SP6: variants seen among roughly 807,000 people sequenced by gnomAD.
SP6 encodes the protein transcription factor Sp6.
Under a neutral mutation model 23.4 loss-of-function variants are expected in SP6, and 10 were observed. The ratio of observed to expected loss-of-function variants is 0.43; its 90% CI spans 0.26 to 0.72. SP6 has a LOEUF of 0.72. SP6 is among the 30% of genes least tolerant of loss of function. The pLI is 0.23. For synonymous variants in SP6, 238 were observed against 238.7 expected, an observed-to-expected ratio of 1.00 and a Z score of 0.03; for missense variants, 482 against 523.8, an observed-to-expected ratio of 0.92 and a Z score of 0.78.
the SP6 span, among the ~76,000 whole-genome samples, chr17:47,875,995 CT>C: frequency 6.6e-6 from 1 of 152,172 alleles, no homozygotes; most frequent in Non-Finnish European, 1.5e-5. Flanking sequence ...GGAGCCTCCC[CT>C]GTCACAGTGA....
At chr17:47,864,001 CTT>C in the SP6 span, among the ~76,000 whole-genome samples, 8 of 101,570 alleles carry the variant, frequency 7.9e-5, no homozygotes, top group African/African-American at 2.3e-4. Flanking sequence ...CCGCGCCTGG[CTT>C]TTTTTTTTTT....
Position 47,848,763 on chromosome 17 carries a change from C to T in SP6, c.-57-277G>A, listed in dbSNP as rs1378447716. ...TTGGGCCACTCCCAGGATGGTAGGT[C>T]AGATACACCTACAGCACAGTGCTAG... On this transcript the variant is annotated intron_variant, in intron 1 of 1. Coordinates refer to ENST00000536300, the MANE Select transcript of SP6 (RefSeq NM_001258248.2). The surrounding 1 kb of genome is among the most constrained non-coding windows in gnomAD (Gnocchi z 5.3). Among the ~76,000 whole-genome samples the T allele has an allele frequency of 1.3e-5, 2 of 152,086 alleles. No individual in the cohort carries two copies. Among genetic ancestry groups the T allele is most frequent in the African/African-American group, 4.8e-5 (2 of 41,384 alleles).
chr17:47,847,529 G>A lies in SP6; in HGVS notation c.901C>T (p.Leu301=). 1 of 1,613,614 alleles carries A rather than the reference G, an allele frequency of 6.2e-7. No homozygotes were observed. Among genetic ancestry groups the A allele is most frequent in the Non-Finnish European group, 8.5e-7 (1 of 1,179,944 alleles). The change falls in exon 2 of 2, where the codon CTG becomes TTG. Residue 301 remains leucine (L), a synonymous_variant. Transcript: ENST00000536300. ...CGKRFTRSDE[L]QRHLQTHTGT... ...GTGTGGGTCTGGAGGTGGCGCTGCA[G>A]CTCGTCCGAGCGCGTGAAGCGCTTG...
chr17:47,874,045 T>G, the SP6 span, among the ~76,000 whole-genome samples: 1 of 149,118 alleles, frequency 6.7e-6, no homozygotes, highest in African/African-American at 2.5e-5. Context: ...CTCTTCCTCT[T>G]CTTCTTCTTC....
chr17:47,864,930 C>T, the SP6 span: 1 of 152,262 alleles, frequency 6.6e-6, no homozygotes, highest in East Asian at 1.9e-4. Flanking sequence ...GCTCCATCCC[C>T]CTATCCACAC....
the SP6 span, among the ~76,000 whole-genome samples, chr17:47,873,514 A>G: frequency 6.6e-6 from 1 of 152,178 alleles, no homozygotes; most frequent in East Asian, 1.9e-4. Flanking sequence ...GAGTCCTAAA[A>G]TCTGATCTCT....
the SP6 span, among the ~76,000 whole-genome samples, chr17:47,867,490 T>G: frequency 6.6e-6 from 1 of 152,178 alleles, no homozygotes; most frequent in Non-Finnish European, 1.5e-5. Flanking sequence ...TATTTGCTTT[T>G]TGGTGGCAGG....
chr17:47,862,343 C>CAAAAAA, the SP6 span, among the ~76,000 whole-genome samples: 2 of 110,354 alleles, frequency 1.8e-5, no homozygotes, highest in African/African-American at 6.9e-5. Context: ...GACTAAGTCT[C>CAAAAAA]AAAAAAAAAA....
At position 47,846,853 on chromosome 17, in the gene SP6, G is replaced by A. The variant is rs911152653; in HGVS notation, c.*446C>T. ...TGGGATGAAAGGGACCCCGCCGCAG[G>A]GCGGCTCCGGAGGCGCTTTTATGTC... On this transcript the variant is annotated 3_prime_UTR_variant, in exon 2 of 2. Transcript: ENST00000536300. 2 of 160,760 alleles carry A rather than the reference G, an allele frequency of 1.2e-5. No homozygotes were observed. Among genetic ancestry groups the A allele is most frequent in the African/African-American group, 4.8e-5 (2 of 41,792 alleles). The allele number at this position is 160,760 out of a possible 1,614,324, so 10.0% of individuals were successfully genotyped here.
chr17:47,866,443 G>C, the SP6 span, among the ~76,000 whole-genome samples: 2 of 152,214 alleles, frequency 1.3e-5, no homozygotes, highest in Middle Eastern at 3.2e-3. Context: ...TGATGCCTGG[G>C]AAGGGGCTGG....
chr17:47,855,632 G>A (rs1362197345), upstream of SP6: 1 of 152,298 alleles, frequency 6.6e-6, no homozygotes. Context: ...CCCTGTACTG[G>A]ACAGGGAACA....
chr17:47,873,218 C>A, the SP6 span, among the ~76,000 whole-genome samples: 3 of 152,232 alleles, frequency 2.0e-5, no homozygotes, highest in African/African-American at 7.2e-5. Flanking sequence ...CTGGAGGACC[C>A]CCAGCCTCTG....
upstream of SP6, among the ~76,000 whole-genome samples, chr17:47,854,010 T>A (rs2033980934): frequency 6.6e-6 from 1 of 152,198 alleles, no homozygotes; most frequent in Non-Finnish European, 1.5e-5. Context: ...CCATTGCCCA[T>A]ATACTTATTG....
chr17:47,856,812 C>G (rs959383959), upstream of SP6, among the ~76,000 whole-genome samples: 4 of 151,896 alleles, frequency 2.6e-5, no homozygotes, highest in African/African-American at 9.7e-5. Flanking sequence ...AGTTGTACCC[C>G]CTCTACACAC....
At position 47,847,938 on chromosome 17, in the gene SP6, C is replaced by A. The variant is rs904650639; in HGVS notation, c.492G>T (p.Pro164=). 6.4e-7 allele frequency: 1 copy of A among 1,567,676 alleles called. No homozygotes were observed. The highest frequency in any genetic ancestry group is 8.6e-7 in the Non-Finnish European group (1 of 1,156,404). The change falls in exon 2 of 2, where the codon CCG becomes CCT. Residue 164 remains proline, a synonymous_variant. Coordinates refer to ENST00000536300, the MANE Select transcript of SP6 (RefSeq NM_001258248.2). ...GYVGDHQLCA[P]PPHPHAHHLL... ...GGTGGTGCGCATGCGGGTGGGGTGG[C>A]GGGGCACAAAGCTGGTGGTCTCCGA...
At chr17:47,871,731 G>C in the SP6 span, among the ~76,000 whole-genome samples, 1 of 151,666 alleles carries the variant, frequency 6.6e-6, no homozygotes, top group African/African-American at 2.4e-5. Context: ...CGATTCTCCT[G>C]CCTCGGCCTC....
chr17:47,861,172 G>A, the SP6 span, among the ~76,000 whole-genome samples: 8 of 152,124 alleles, frequency 5.3e-5, no homozygotes, highest in African/African-American at 1.2e-4. Context: ...CAGCTCCCCC[G>A]TCATTATCTG....
At chr17:47,872,500 T>TGGCGGCGGC in the SP6 span, among the ~76,000 whole-genome samples, 2 of 151,934 alleles carry the variant, frequency 1.3e-5, no homozygotes, top group Non-Finnish European at 2.9e-5. Flanking sequence ...GGAGGCTCAG[T>TGGCGGCGGC]GGCGGCGGCG....
chr17:47,868,781 A>G, the SP6 span, among the ~76,000 whole-genome samples: 1 of 151,810 alleles, frequency 6.6e-6, no homozygotes, highest in Non-Finnish European at 1.5e-5. Context: ...GAGGGGAGGG[A>G]GGAGAAGGGT....
Sources: gnomAD v4.1 joint callset for allele counts (sites outside exome capture counted in the v4.1 genomes callset) on GRCh38, gnomAD v4.1.1 for gene constraint, Gnocchi (gnomAD v3.1) non-coding constraint, MANE v1.5 for transcripts, NCBI Gene and HGNC (gene_info 2026-07-23, HGNC 2026-07-21) for gene names.